MGRN1: variants seen among roughly 807,000 people sequenced by gnomAD.
The protein encoded by MGRN1 is mahogunin ring finger 1, also known as E3 ubiquitin-protein ligase MGRN1.
In MGRN1, 29 loss-of-function variants were observed where a neutral mutation model predicts 69.2. The observed-to-expected ratio is 0.42, with a 90% CI of 0.31 to 0.57. The LOEUF (loss-of-function observed/expected upper bound fraction) is 0.57. Among genes scored for constraint, MGRN1 ranks in the 20% least tolerant of loss-of-function variants. The pLI is 0.15. For synonymous variants in MGRN1, 470 were observed against 344.2 expected (o/e 1.37, Z -4.04); for missense variants, 998 against 796.2 (o/e 1.25, Z -3.05).
At chr16:4,680,457 C>G (rs1046464806) in intron 12 of MGRN1, 2 of 257,410 alleles carry the variant, frequency 7.8e-6, no homozygotes, top group African/African-American at 4.6e-5. Context: ...TTCTTGGCCC[C>G]GTGTCCCGCT....
intron 2 of MGRN1, among the ~76,000 whole-genome samples, chr16:4,651,292 C>T (rs947277409): frequency 2.6e-5 from 4 of 152,116 alleles, no homozygotes; most frequent in African/African-American, 9.7e-5. Context: ...GCACCTGCTG[C>T]GTGCCTAGTG....
chr16:4,665,332 G>A (rs557117015), intron 7 of MGRN1, among the ~76,000 whole-genome samples, 181 bp downstream of exon 7: 129 of 152,014 alleles, frequency 8.5e-4, no homozygotes, highest in African/African-American at 3.0e-3. Flanking sequence ...TCCTGAGGCC[G>A]AGTGCCGCTG....
intron 8 of MGRN1, among the ~76,000 whole-genome samples, chr16:4,669,448 A>C (rs1156636060): frequency 6.7e-6 from 1 of 150,222 alleles, no homozygotes; most frequent in Non-Finnish European, 1.5e-5. Context: ...AAAAAAAAAA[A>C]GCTGTGCAAC....
At chr16:4,671,352 A>T in intron 8 of MGRN1, 39 bp from the exon 9 acceptor site, 2 of 1,603,372 alleles carry the variant, frequency 1.2e-6, no homozygotes, top group Non-Finnish European at 1.7e-6. Context: ...CTCATATGGC[A>T]GTTGGCGAGG....
At chr16:4,687,875 C>T (rs1295057212) in intron 16 of MGRN1, 2 of 985,510 alleles carry the variant, frequency 2.0e-6, no homozygotes, top group Non-Finnish European at 2.4e-6. Flanking sequence ...CTTCTTGAGC[C>T]CAGCGAGTCC....
intron 12 of MGRN1, 110 bp downstream of exon 12, chr16:4,680,207 C>T (rs1236927075): frequency 1.9e-6 from 2 of 1,064,032 alleles, no homozygotes; most frequent in African/African-American, 1.6e-5. Flanking sequence ...ATTCATATAA[C>T]CCGTCAGCTC....
intron 5 of MGRN1, 68 bp from the exon 6 acceptor site, chr16:4,664,641 T>G (rs2078757440): frequency 6.5e-7 from 1 of 1,540,868 alleles, no homozygotes; most frequent in Non-Finnish European, 9.0e-7. Context: ...AGCTCATTTG[T>G]TGACCGACTC....
At chr16:4,674,138 C>G (rs1406950288) in intron 10 of MGRN1, among the ~76,000 whole-genome samples, 1 of 152,158 alleles carries the variant, frequency 6.6e-6, no homozygotes, top group Non-Finnish European at 1.5e-5. Context: ...GCAACTGCCA[C>G]CATGGCCAGC....
At position 4,629,318 on chromosome 16, in the gene MGRN1, T is replaced by C. The variant is rs1470116235; in HGVS notation, c.88+4270T>C. On this transcript the variant is annotated intron_variant, in intron 1 of 16. Coordinates refer to ENST00000262370, the MANE Select transcript of MGRN1 (RefSeq NM_015246.4). Reference sequence around the variant, plus strand: ...TCCTGTCAGCCATGTGATTTGCAAATATTTTCTCCCAGTCTGGCTTGTCTT... The same window carrying C: ...TCCTGTCAGCCATGTGATTTGCAAACATTTTCTCCCAGTCTGGCTTGTCTT... 2.0e-5 allele frequency among the ~76,000 whole-genome samples: 3 copies of C among 152,200 alleles called. No homozygotes were observed. The East Asian group carries it at 5.8e-4, about 29-fold the overall frequency.
chr16:4,661,085 AT>A (rs1321415263), intron 5 of MGRN1, among the ~76,000 whole-genome samples: 1 of 151,510 alleles, frequency 6.6e-6, no homozygotes, highest in Non-Finnish European at 1.5e-5. Flanking sequence ...GGGTTAAGCG[AT>A]CCTCTCACCT....
At chr16:4,665,711 C>G (rs2141926875) in intron 7 of MGRN1, among the ~76,000 whole-genome samples, 1 of 143,142 alleles carries the variant, frequency 7.0e-6, no homozygotes, top group Middle Eastern at 3.6e-3. Context: ...ACCCTGTCAT[C>G]CAGGCTGGAG....
At chr16:4,677,678 TC>T in intron 11 of MGRN1, 106 bp downstream of exon 11, 1 of 1,094,516 alleles carries the variant, frequency 9.1e-7, no homozygotes, top group Non-Finnish European at 1.3e-6. Flanking sequence ...TTCTCTTCTG[TC>T]CAGTGGGCAG....
intron 1 of MGRN1, among the ~76,000 whole-genome samples, chr16:4,643,270 AT>A (rs1176012447): frequency 6.6e-6 from 1 of 151,744 alleles, no homozygotes; most frequent in Non-Finnish European, 1.5e-5. Flanking sequence ...TAATTTTTGT[AT>A]TTTTGGCAGA....
chr16:4,633,064 C>T (rs368929161), intron 1 of MGRN1, among the ~76,000 whole-genome samples: 42 of 152,212 alleles, frequency 2.8e-4, no homozygotes, highest in African/African-American at 9.9e-4. Context: ...GCCTGGGCAG[C>T]AGAGTGAGAC....
At chr16:4,653,999 G>A (rs946090592) in intron 4 of MGRN1, among the ~76,000 whole-genome samples, 21 of 152,146 alleles carry the variant, frequency 1.4e-4, no homozygotes, top group African/African-American at 4.8e-4. Context: ...TGATCCACCT[G>A]CCTCGGCCTC....
chr16:4,675,829 A>C (rs2079041807), intron 10 of MGRN1, among the ~76,000 whole-genome samples: 2 of 152,188 alleles, frequency 1.3e-5, no homozygotes, highest in Non-Finnish European at 2.9e-5. Context: ...AGCATTCCAG[A>C]CATTTCCTCA....
At chr16:4,641,074 T>G (rs2078145771) in intron 1 of MGRN1, among the ~76,000 whole-genome samples, 1 of 152,212 alleles carries the variant, frequency 6.6e-6, no homozygotes, top group African/African-American at 2.4e-5. Flanking sequence ...GCCTTCCCAC[T>G]TCCCACTCAC....
chr16:4,644,423 G>GC, intron 1 of MGRN1, among the ~76,000 whole-genome samples: 1 of 149,202 alleles, frequency 6.7e-6, no homozygotes, highest in Non-Finnish European at 1.5e-5. Context: ...CGATTTTCCT[G>GC]CCTCAGCCTC....
intron 16 of MGRN1, chr16:4,687,935 A>C (rs1466271148): frequency 1.0e-6 from 1 of 985,496 alleles, no homozygotes; most frequent in Non-Finnish European, 1.2e-6. Context: ...TGAAACAGTC[A>C]GCACCTTTCA....
Sources: allele counts gnomAD v4.1 joint callset (sites outside exome capture counted in the v4.1 genomes callset), GRCh38; gene constraint gnomAD v4.1.1; transcripts MANE v1.5; gene names NCBI Gene and HGNC (gene_info 2026-07-23, HGNC 2026-07-21).